Variants in LCP2 observed in about 807,000 individuals in gnomAD.
The protein encoded by LCP2 is 76 kDa tyrosine phosphoprotein.
Under a neutral mutation model 74.5 loss-of-function variants are expected in LCP2, and 29 were observed. The ratio of observed to expected loss-of-function variants is 0.39; its 90% CI spans 0.29 to 0.53. The LOEUF is 0.53. LCP2 is among the 20% of genes least tolerant of loss of function. The pLI, the probability that LCP2 is intolerant of heterozygous loss-of-function variation, is 0.72. For missense variants in LCP2, 604 were observed against 634.6 expected, an observed-to-expected ratio of 0.95 and a Z score of 0.52; for synonymous variants, 228 against 229.5, an observed-to-expected ratio of 0.99 and a Z score of 0.06.
Position 170,270,858 on chromosome 5 carries a change from A to C in LCP2, c.384T>G (p.Tyr128Ter). ...CCTCTTCCTCCTCATTGGGGGACTC[A>C]TAGTCTCCATCATCCTCCCCATCCT... ...DDQDGEDDGD[Y>*]ESPNEEEEAP... Residue 128 changes from tyrosine (Y) to a stop codon, truncating the protein, a stop_gained, in exon 7 of 21, where the codon TAT becomes TAG. Transcript: ENST00000046794. LOFTEE classifies it high-confidence loss of function. The C allele has an allele frequency of 2.5e-6, 4 of 1,612,552 alleles. No individual in the cohort carries two copies. Among genetic ancestry groups the C allele is most frequent in the Non-Finnish European group, 2.5e-6 (3 of 1,179,220 alleles).
At position 170,283,899 on chromosome 5, in the gene LCP2, G is replaced by A. The variant is rs184403318; in HGVS notation, c.188+4071C>T. Among the ~76,000 whole-genome samples, 22 of 152,236 alleles carry A rather than the reference G, an allele frequency of 1.4e-4. No homozygotes were observed. In the East Asian group the frequency reaches 4.2e-3, roughly 29 times the overall value. ...CCCTTGTCTGCCCTGAATACTGTGGGGAAAATTACTCCTGCCTTCCTACGA... is the reference window on the plus strand; with the variant it reads ...CCCTTGTCTGCCCTGAATACTGTGGAGAAAATTACTCCTGCCTTCCTACGA... On this transcript the variant is annotated intron_variant, in intron 3 of 20. Transcript: ENST00000046794.
chr5:170,261,158 T>C lies in LCP2; in HGVS notation c.927-21A>G, dbSNP rs753564119. On this transcript the variant is annotated intron_variant, in intron 13 of 20. Coordinates refer to ENST00000046794, the MANE Select transcript of LCP2 (RefSeq NM_005565.5). ...CATGCCTGAAATGAATTAGGGCAAA[T>C]AAAAAGAACTGAGCATGAAGAGTTT... The C allele has an allele frequency of 7.0e-6, 11 of 1,577,590 alleles. No homozygotes were observed. In the East Asian group the frequency reaches 1.1e-4, roughly 16 times the overall value.
In LCP2 at chr5:170,262,628, C is replaced by T; in HGVS notation, c.926+7G>A. On this transcript the variant is annotated splice_region_variant and intron_variant, in intron 13 of 20. Coordinates refer to ENST00000046794, the MANE Select transcript of LCP2 (RefSeq NM_005565.5). ...AGTGACAAGCTCAAGCAACACCAGA[C>T]AATTACTTTGGCACAGGTGGCTTCT... The T allele has an allele frequency of 6.2e-7, 1 of 1,601,984 alleles. No individual in the cohort carries two copies. The highest frequency in any genetic ancestry group is 8.5e-7 in the Non-Finnish European group (1 of 1,170,232).
intron 10 of LCP2, 121 bp downstream of exon 10, chr5:170,266,687 A>G: frequency 1.2e-6 from 1 of 842,392 alleles, no homozygotes; most frequent in South Asian, 1.4e-5. Context: ...TGATTCTACT[A>G]GTCTCCACTT....
At chr5:170,283,913 G>A (rs964829895) in intron 3 of LCP2, among the ~76,000 whole-genome samples, 4 of 152,152 alleles carry the variant, frequency 2.6e-5, no homozygotes, top group African/African-American at 7.2e-5. Flanking sequence ...AATTACTCCT[G>A]CCTTCCTACG....
chr5:170,255,958 C>T (rs1317330788), intron 17 of LCP2, among the ~76,000 whole-genome samples: 7 of 152,180 alleles, frequency 4.6e-5, no homozygotes, highest in Non-Finnish European at 8.8e-5. Flanking sequence ...GAATCTGTGA[C>T]GTTAAGTTCT....
At chr5:170,251,206 G>A (rs1465981764) in intron 19 of LCP2, 1 of 231,804 alleles carries the variant, frequency 4.3e-6, no homozygotes, top group Non-Finnish European at 8.5e-6. Flanking sequence ...TGGATAAAAG[G>A]CCAGGAGAAA....
chr5:170,270,453 G>A (rs775158706), intron 7 of LCP2: 1 of 399,436 alleles, frequency 2.5e-6, no homozygotes, highest in Non-Finnish European at 4.4e-6. Flanking sequence ...AGCCACCATA[G>A]GCAAGAATTG....
At chr5:170,289,689 CTTTCTTTCTTTCCT>C (rs1457474574) in intron 2 of LCP2, among the ~76,000 whole-genome samples, 38 of 134,586 alleles carry the variant, frequency 2.8e-4, no homozygotes, top group African/African-American at 8.6e-4. Context: ...CTCTCTCTTT[CTTTCTTTCTTTCCT>C]TCTTTCTTTC....
At chr5:170,290,814 G>A (rs976145183) in intron 2 of LCP2, among the ~76,000 whole-genome samples, 6 of 152,066 alleles carry the variant, frequency 3.9e-5, no homozygotes, top group African/African-American at 1.5e-4. Flanking sequence ...ACTGACACAA[G>A]TCTCAAGCTC....
chr5:170,250,129 G>A (rs1302714393), intron 20 of LCP2, among the ~76,000 whole-genome samples: 1 of 152,208 alleles, frequency 6.6e-6, no homozygotes, highest in Non-Finnish European at 1.5e-5. Flanking sequence ...CTTAGAGTAT[G>A]TTTGGGGCGT....
At chr5:170,296,762 G>A (rs547634994) in intron 1 of LCP2, among the ~76,000 whole-genome samples, 1 of 152,182 alleles carries the variant, frequency 6.6e-6, no homozygotes, top group South Asian at 2.1e-4. Flanking sequence ...AAGTCCAGAA[G>A]ATAAGACAGC....
At chr5:170,287,653 T>C (rs918546782) in intron 3 of LCP2, 2 of 388,276 alleles carry the variant, frequency 5.2e-6, no homozygotes, top group Non-Finnish European at 9.6e-6. Flanking sequence ...GGTGATGCCA[T>C]GATGAAACCT....
chr5:170,265,088 C>T (rs954569437), intron 10 of LCP2, among the ~76,000 whole-genome samples: 10 of 149,158 alleles, frequency 6.7e-5, no homozygotes, highest in East Asian at 2.0e-4. Flanking sequence ...CCCAGGTTCA[C>T]GCCATTCTCC....
chr5:170,289,627 T>C (rs1186641763), intron 2 of LCP2, among the ~76,000 whole-genome samples: 1 of 99,704 alleles, frequency 1.0e-5, no homozygotes, highest in African/African-American at 4.6e-5. Context: ...TTTTCTTTCT[T>C]TCTTTCTTTC....
intron 10 of LCP2, among the ~76,000 whole-genome samples, chr5:170,263,510 G>C (rs528284114): frequency 2.4e-4 from 37 of 152,304 alleles, no homozygotes; most frequent in African/African-American, 8.7e-4. Flanking sequence ...CATTTCAGGA[G>C]ACTCTCCTGG....
intron 3 of LCP2, among the ~76,000 whole-genome samples, chr5:170,285,358 T>C (rs1284215839): frequency 6.6e-6 from 1 of 152,230 alleles, no homozygotes; most frequent in Non-Finnish European, 1.5e-5. Flanking sequence ...TTTGATGTTT[T>C]AGTTTTTCTC....
intron 20 of LCP2, among the ~76,000 whole-genome samples, chr5:170,249,803 G>C (rs1414284226): frequency 2.0e-5 from 3 of 152,186 alleles, no homozygotes; most frequent in African/African-American, 7.2e-5. Context: ...AACCCTAACA[G>C]GATAATGCAC....
intron 15 of LCP2, 91 bp from the exon 16 acceptor site, chr5:170,258,257 T>G (rs1465340512): frequency 1.9e-5 from 26 of 1,360,244 alleles, no homozygotes; most frequent in Non-Finnish European, 2.7e-5. Context: ...TAGAAACAGC[T>G]AGTATAAAGA....
Sources: gnomAD v4.1 joint callset for allele counts (sites outside exome capture counted in the v4.1 genomes callset) on GRCh38, gnomAD v4.1.1 for gene constraint, MANE v1.5 for transcripts, NCBI Gene and HGNC (gene_info 2026-07-23, HGNC 2026-07-21) for gene names.